Variants in SETD2 observed in about 807,000 individuals in gnomAD.
SETD2 encodes SET domain containing 2, histone lysine methyltransferase.
A neutral mutation model predicts 242.1 loss-of-function variants in SETD2; 31 were observed. The observed-to-expected ratio is 0.13, with a 90% CI of 0.10 to 0.17. The LOEUF (loss-of-function observed/expected upper bound fraction) is 0.17, where lower values mean the gene tolerates loss of function less well. SETD2 is among the 10% of genes least tolerant of loss of function. The pLI, the probability that SETD2 is intolerant of heterozygous loss-of-function variation, is 1.00. For missense variants in SETD2, 2,481 were observed against 3,046.3 expected (o/e 0.81, Z 4.37); for synonymous variants, 1,006 against 1,066.5 (o/e 0.94, Z 1.11).
intron 1 of SETD2, among the ~76,000 whole-genome samples, chr3:47,140,876 A>G (rs917443472): frequency 2.6e-5 from 4 of 152,166 alleles, no homozygotes; most frequent in Non-Finnish European, 4.4e-5. Context: ...TAAAAAATTA[A>G]AATTAAAATT....
chr3:47,131,800 C>T (rs192682673), intron 1 of SETD2, among the ~76,000 whole-genome samples: 62 of 148,552 alleles, frequency 4.2e-4, no homozygotes, highest in Non-Finnish European at 7.4e-4. Flanking sequence ...TTTTTTGAGA[C>T]AGAGTCTCAC....
intron 8 of SETD2, among the ~76,000 whole-genome samples, chr3:47,101,008 T>TC (rs2042188914): frequency 3.3e-5 from 1 of 30,626 alleles, no homozygotes; most frequent in African/African-American, 1.1e-4. Context: ...AGAGTCCATC[T>TC]CAAAAAAAAA....
intron 1 of SETD2, among the ~76,000 whole-genome samples, chr3:47,140,754 G>A (rs1337377788): frequency 6.6e-6 from 1 of 152,104 alleles, no homozygotes; most frequent in Admixed American, 6.6e-5. Flanking sequence ...CCAGCTACTC[G>A]GGAGGCTAAG....
rs1353190493 is a variant in SETD2 at position 47,097,931 on chromosome 3, GT to G, written c.5142+23del. 3 of 1,608,450 alleles carry G rather than the reference GT, an allele frequency of 1.9e-6. No individual in the cohort carries two copies. The Admixed American group carries it at 5.0e-5, about 27-fold the overall frequency. ...GCTTTTTAAATTTTTTATTGTGAAA[GT>G]TGAAAGAAAAATGCAAACTTACTGA... On this transcript the variant is annotated intron_variant, in intron 9 of 20. Coordinates refer to ENST00000409792, the MANE Select transcript of SETD2 (RefSeq NM_014159.7).
rs34309892 is a variant in SETD2, at chr3:47,040,569, A to ATTTTTTTTTTTTTT, written c.7238+1978_7238+1991dup. 3.4e-4 allele frequency among the ~76,000 whole-genome samples: 31 copies of ATTTTTTTTTTTTTT among 91,718 alleles called. 4 individuals carry two copies. The highest frequency in any genetic ancestry group is 1.2e-3 in the African/African-American group (27 of 22,840). 60.2% of individuals were successfully genotyped at this position (91,718 alleles called of 152,430 possible). ...AAAATAGATGACATGAGGGAAAAGG[A>ATTTTTTTTTTTTTT]TTTTTTTTTTTTTTTTTTTTTTGGA... On this transcript the variant is annotated intron_variant, in intron 17 of 20. Coordinates refer to ENST00000409792, the MANE Select transcript of SETD2 (RefSeq NM_014159.7).
intron 14 of SETD2, among the ~76,000 whole-genome samples, chr3:47,060,895 CAAAT>C (rs2040301701): frequency 6.6e-6 from 1 of 152,062 alleles, no homozygotes. Flanking sequence ...CTAAAAAAGA[CAAAT>C]AATTCAATGA....
intron 18 of SETD2, among the ~76,000 whole-genome samples, chr3:47,028,159 C>T (rs975865515): frequency 6.6e-6 from 1 of 152,130 alleles, no homozygotes; most frequent in Non-Finnish European, 1.5e-5. Flanking sequence ...TTTGCACACA[C>T]TGGACATTAA....
rs2106667202 is a variant in SETD2, at chr3:47,122,031, C to A, written c.2605G>T (p.Asp869Tyr). ...TSSASVNHFDDLYQPIGSSGI... is the reference protein window; with the variant it reads ...TSSASVNHFDYLYQPIGSSGI... Reference sequence around the variant, plus strand: ...GAACTCCCAATAGGTTGATATAAATCATCAAAATGATTAACAGAAGCTGAA... The same window carrying A: ...GAACTCCCAATAGGTTGATATAAATAATCAAAATGATTAACAGAAGCTGAA... The change falls in exon 3 of 21, where the codon GAT becomes TAT. Residue 869 changes from aspartate to tyrosine, a missense_variant. Physicochemically the swap from Asp to Tyr is radical, Grantham distance 160 (BLOSUM62 -3). Transcript: ENST00000409792. The A allele has an allele frequency of 6.2e-7, 1 of 1,613,850 alleles. No homozygotes were observed. The highest frequency in any genetic ancestry group is 8.5e-7 in the Non-Finnish European group (1 of 1,179,948).
chr3:47,130,178 T>C (rs147757721), intron 1 of SETD2, among the ~76,000 whole-genome samples: 2 of 152,160 alleles, frequency 1.3e-5, no homozygotes, highest in African/African-American at 4.8e-5. Context: ...AGGCAAGAAG[T>C]TGAGAGAACT....
At chr3:47,145,859 A>G (rs2043838069) in intron 1 of SETD2, among the ~76,000 whole-genome samples, 3 of 151,860 alleles carry the variant, frequency 2.0e-5, no homozygotes, top group Admixed American at 1.3e-4. Context: ...TCTACAAAAA[A>G]TAAAAAATTA....
intron 9 of SETD2, among the ~76,000 whole-genome samples, chr3:47,090,534 G>A (rs903346844): frequency 6.6e-6 from 1 of 151,942 alleles, no homozygotes; most frequent in Non-Finnish European, 1.5e-5. Flanking sequence ...GGGACTACAG[G>A]CCCGTGCCAC....
intron 1 of SETD2, among the ~76,000 whole-genome samples, chr3:47,144,982 T>A (rs945742026): frequency 1.3e-5 from 2 of 151,970 alleles, no homozygotes; most frequent in Non-Finnish European, 2.9e-5. Context: ...AAACAAACAA[T>A]AAATAAATAT....
At chr3:47,076,829 C>T (rs2041099574) in intron 12 of SETD2, among the ~76,000 whole-genome samples, 1 of 152,178 alleles carries the variant, frequency 6.6e-6, no homozygotes, top group East Asian at 1.9e-4. Context: ...AGAGAAACTG[C>T]CTGCTAGGCA....
At chr3:47,071,232 T>C (rs1055724741) in intron 12 of SETD2, among the ~76,000 whole-genome samples, 6 of 152,208 alleles carry the variant, frequency 3.9e-5, no homozygotes, top group Non-Finnish European at 4.4e-5. Flanking sequence ...TTTTTACATA[T>C]TGTCCTCTTA....
chr3:47,084,587 G>A (rs2041467908), intron 11 of SETD2, among the ~76,000 whole-genome samples: 1 of 151,908 alleles, frequency 6.6e-6, no homozygotes, highest in Admixed American at 6.6e-5. Flanking sequence ...GCCACGCCTG[G>A]CTAATCTTTT....
Position 47,164,092 on chromosome 3 carries a change from G to A in SETD2, c.-168C>T, listed in dbSNP as rs1241820871. 6 of 1,139,590 alleles carry A rather than the reference G, an allele frequency of 5.3e-6. No individual in the cohort carries two copies. The highest frequency in any genetic ancestry group is 6.6e-6 in the Non-Finnish European group (6 of 911,296). The allele number at this position is 1,139,590 out of a possible 1,614,324, so 70.6% of individuals were successfully genotyped here. On this transcript the variant is annotated 5_prime_UTR_variant, in exon 1 of 21. Coordinates refer to ENST00000409792, the MANE Select transcript of SETD2 (RefSeq NM_014159.7). The surrounding 1 kb of genome is among the most constrained non-coding windows in gnomAD (Gnocchi z 5.4). ...TCGCTCGTCGCTCCCTCCCTCCCTC[G>A]GACGCCCGCCAGCCGCTCTCTCCCT... is the stretch of plus-strand genomic sequence containing the variant.
At chr3:47,081,421 T>G (rs1392838382) in intron 12 of SETD2, among the ~76,000 whole-genome samples, 1 of 152,228 alleles carries the variant, frequency 6.6e-6, no homozygotes, top group Non-Finnish European at 1.5e-5. Flanking sequence ...GATCAGCAAC[T>G]AACACAGTGT....
intron 1 of SETD2, among the ~76,000 whole-genome samples, chr3:47,137,989 T>C (rs934715434): frequency 2.0e-5 from 3 of 151,750 alleles, no homozygotes; most frequent in African/African-American, 7.3e-5. Context: ...CTTTTTTTTT[T>C]GAGACGGAGT....
rs2107549516 is a variant in SETD2 at position 47,046,563 on chromosome 3, G to A, written c.7022C>T (p.Pro2341Leu). The change falls in exon 16 of 21, where the codon CCA becomes CTA. Residue 2341 changes from proline to leucine, a missense_variant. This residue lies in a region of SETD2 where 235 missense variants were observed against 293.9 expected (regional missense o/e 0.80). Transcript: ENST00000409792. ...IQGQQIFTAH[P>L]QGVVVQPAAA... ...GGCTGGCTGTACCACCACTCCTTGT[G>A]GATGAGCTGTGAAAATCTGTTGCCC... The A allele has an allele frequency of 1.2e-6, 2 of 1,613,364 alleles. No homozygotes were observed. The highest frequency in any genetic ancestry group is 1.7e-6 in the Non-Finnish European group (2 of 1,179,544).
Sources: allele counts gnomAD v4.1 joint callset (sites outside exome capture counted in the v4.1 genomes callset), GRCh38; gene constraint gnomAD v4.1.1; regional missense constraint gnomAD v4.1.1; non-coding constraint Gnocchi (gnomAD v3.1); transcripts MANE v1.5; gene names NCBI Gene and HGNC (gene_info 2026-07-23, HGNC 2026-07-21).